SPEN: variants seen among roughly 807,000 people sequenced by gnomAD.
SPEN encodes the protein spen family transcriptional repressor, also known as msx2-interacting protein.
Under a neutral mutation model 269.9 loss-of-function variants are expected in SPEN, and 18 were observed. The observed-to-expected ratio is 0.07, with a 90% CI of 0.05 to 0.10. The LOEUF (loss-of-function observed/expected upper bound fraction) is 0.10. Ranked by LOEUF, SPEN falls within the 10% of genes least tolerant of loss-of-function variation. The pLI is 1.00. For synonymous variants in SPEN, 1,726 were observed against 1,765.7 expected (o/e 0.98, Z 0.56); for missense variants, 3,822 against 4,631.2 (o/e 0.83, Z 5.07).
At position 15,894,121 on chromosome 1, in the gene SPEN, G is replaced by C. The variant is rs151165211; in HGVS notation, c.882-15200G>C. On this transcript the variant is annotated intron_variant, in intron 3 of 14. Coordinates refer to ENST00000375759, the MANE Select transcript of SPEN (RefSeq NM_015001.3). ...AATTAAAACACACACACACTCACTT[G>C]ATCTGTGTGCTTTCTTGGCCTGTGC... Among the ~76,000 whole-genome samples, 441 of 152,314 alleles carry C rather than the reference G, an allele frequency of 2.9e-3. 4 individuals carry two copies. Among genetic ancestry groups the C allele is most frequent in the African/African-American group, 0.01 (426 of 41,580 alleles).
chr1:15,926,107 T>TTTA (rs1025451422), intron 10 of SPEN, among the ~76,000 whole-genome samples: 1 of 152,062 alleles, frequency 6.6e-6, no homozygotes, highest in African/African-American at 2.4e-5. Context: ...TATAAGTACA[T>TTTA]ATAATAGGCC....
At chr1:15,880,803 C>CT (rs1433356305) in intron 3 of SPEN, among the ~76,000 whole-genome samples, 2 of 151,992 alleles carry the variant, frequency 1.3e-5, no homozygotes, top group African/African-American at 4.8e-5. Context: ...TGAGATAAAT[C>CT]TTTTGACTGC....
intron 1 of SPEN, among the ~76,000 whole-genome samples, chr1:15,869,046 AAATT>A (rs1265784154): frequency 6.6e-6 from 1 of 152,080 alleles, no homozygotes; most frequent in African/African-American, 2.4e-5. Context: ...AGCTTTTATT[AAATT>A]AATTATTTAT....
At chr1:15,874,963 T>A (rs2070616313) in intron 2 of SPEN, among the ~76,000 whole-genome samples, 1 of 152,096 alleles carries the variant, frequency 6.6e-6, no homozygotes, top group Non-Finnish European at 1.5e-5. Context: ...GTACTGGGGA[T>A]CTGGTATTAA....
intron 10 of SPEN, among the ~76,000 whole-genome samples, chr1:15,924,680 A>C (rs1056533580): frequency 6.6e-6 from 1 of 152,062 alleles, no homozygotes; most frequent in Non-Finnish European, 1.5e-5. Context: ...GGCTGGTCTC[A>C]AATTCCTGAC....
chr1:15,897,139 G>T (rs945153184), intron 3 of SPEN, among the ~76,000 whole-genome samples: 2 of 152,230 alleles, frequency 1.3e-5, no homozygotes, highest in African/African-American at 4.8e-5. Flanking sequence ...CTGATGACCG[G>T]AGAAATCTGA....
At chr1:15,873,564 C>G in intron 2 of SPEN, 1 of 994,526 alleles carries the variant, frequency 1.0e-6, no homozygotes, top group Non-Finnish European at 1.2e-6. Context: ...ATATCTGCCT[C>G]TCCATTTTCA....
chr1:15,873,986 T>C, intron 2 of SPEN: 1 of 1,200,324 alleles, frequency 8.3e-7, no homozygotes, highest in South Asian at 1.6e-5. Context: ...GCAATCAAAA[T>C]TGACTGGGCT....
At chr1:15,895,705 GA>G (rs1226560013) in intron 3 of SPEN, among the ~76,000 whole-genome samples, 7 of 128,530 alleles carry the variant, frequency 5.4e-5, no homozygotes, top group Non-Finnish European at 1.1e-4. Context: ...TTTGGAGACA[GA>G]ATATCACTCT....
intron 2 of SPEN, among the ~76,000 whole-genome samples, 153 bp from the exon 3 acceptor site, chr1:15,876,049 C>G (rs2070627376): frequency 6.6e-6 from 1 of 152,154 alleles, no homozygotes; most frequent in African/African-American, 2.4e-5. Context: ...AAATGTTAAG[C>G]TTGTTAGCGT....
chr1:15,854,284 T>C (rs1159064204), intron 1 of SPEN, among the ~76,000 whole-genome samples: 2 of 152,118 alleles, frequency 1.3e-5, no homozygotes, highest in South Asian at 2.1e-4. Context: ...GAAACACATA[T>C]ATTAGCCTGC....
At chr1:15,888,326 TTTA>T (rs200329175) in intron 3 of SPEN, among the ~76,000 whole-genome samples, 5,231 of 151,694 alleles carry the variant, frequency 0.034, 285 homozygotes, top group African/African-American at 0.12. Flanking sequence ...TTTTTTTAAT[TTTA>T]TTATTTTTTT....
chr1:15,933,652 C>T lies in SPEN; in HGVS notation c.7412C>T (p.Thr2471Ile). 1 of 1,614,162 alleles carries T rather than the reference C, an allele frequency of 6.2e-7. No individual in the cohort carries two copies. The highest frequency in any genetic ancestry group is 8.5e-7 in the Non-Finnish European group (1 of 1,180,024). ...AGCGATCCAAGCATCCCCATACCCA[C>T]ACTGCCTTCTGTAACTGCAGCAAAG... ...PPSDPSIPIP[T>I]LPSVTAAKLS... Residue 2471 changes from threonine (T) to isoleucine (I), a missense_variant, in exon 11 of 15, where the codon ACA becomes ATA. Coordinates refer to ENST00000375759, the MANE Select transcript of SPEN (RefSeq NM_015001.3). This position sits in a 1 kb window ranked among gnomAD's most constrained non-coding sequence, Gnocchi z 5.7.
chr1:15,871,980 A>G (rs2070581495), intron 1 of SPEN, among the ~76,000 whole-genome samples: 1 of 152,074 alleles, frequency 6.6e-6, no homozygotes, highest in Non-Finnish European at 1.5e-5. Flanking sequence ...CATACCTGTA[A>G]TCCCAGCACT....
chr1:15,892,139 G>T (rs1172990781), intron 3 of SPEN, among the ~76,000 whole-genome samples: 1 of 147,706 alleles, frequency 6.8e-6, no homozygotes. Flanking sequence ...TCCTGCCTCA[G>T]CCTCCCGAGT....
At chr1:15,865,959 C>T (rs2070502398) in intron 1 of SPEN, among the ~76,000 whole-genome samples, 1 of 151,820 alleles carries the variant, frequency 6.6e-6, no homozygotes, top group African/African-American at 2.4e-5. Context: ...CAGCCTCAGC[C>T]TCCTGAGTTC....
intron 2 of SPEN, chr1:15,873,882 G>A (rs1472251589): frequency 1.8e-6 from 2 of 1,100,054 alleles, no homozygotes; most frequent in Admixed American, 4.5e-5. Context: ...CTAGCCCAGG[G>A]AAAGAGGATT....
chr1:15,919,357 T>C, intron 7 of SPEN, 47 bp from the exon 8 acceptor site: 1 of 1,207,360 alleles, frequency 8.3e-7, no homozygotes. Context: ...TGTAGTTGAA[T>C]AGTAATTGTG....
intron 3 of SPEN, among the ~76,000 whole-genome samples, chr1:15,902,395 A>AT (rs2070910931): frequency 6.6e-6 from 1 of 152,188 alleles, no homozygotes; most frequent in Non-Finnish European, 1.5e-5. Flanking sequence ...TCCTAAAAGG[A>AT]TTTTGGGTCC....
Sources: allele counts gnomAD v4.1 joint callset (sites outside exome capture counted in the v4.1 genomes callset), GRCh38; gene constraint gnomAD v4.1.1; non-coding constraint Gnocchi (gnomAD v3.1); transcripts MANE v1.5; gene names NCBI Gene and HGNC (gene_info 2026-07-23, HGNC 2026-07-21).